ENAH: variants seen among roughly 807,000 people sequenced by gnomAD.
ENAH encodes the protein ENAH actin regulator.
Under a neutral mutation model 78.7 loss-of-function variants are expected in ENAH, and 23 were observed. The observed-to-expected ratio is 0.29, with a 90% CI of 0.21 to 0.41. ENAH has a LOEUF of 0.41. Ranked by LOEUF, ENAH falls within the 10% of genes least tolerant of loss-of-function variation. The pLI is 1.00. For missense variants in ENAH, 544 were observed against 691.0 expected, an observed-to-expected ratio of 0.79 and a Z score of 2.39; for synonymous variants, 226 against 241.0, an observed-to-expected ratio of 0.94 and a Z score of 0.58.
chr1:225,585,016 A>G (rs2096838069), intron 1 of ENAH, among the ~76,000 whole-genome samples: 1 of 151,988 alleles, frequency 6.6e-6, no homozygotes, highest in Admixed American at 6.6e-5. Flanking sequence ...GGAGTTCAAG[A>G]CCATCCTGGC....
At chr1:225,570,918 G>A (rs1466913488) in intron 1 of ENAH, among the ~76,000 whole-genome samples, 5 of 151,838 alleles carry the variant, frequency 3.3e-5, no homozygotes, top group Non-Finnish European at 5.9e-5. Flanking sequence ...AGCTGAGATC[G>A]CGCCATGACA....
At chr1:225,564,943 A>G (rs2096727455) in intron 2 of ENAH, among the ~76,000 whole-genome samples, 1 of 151,932 alleles carries the variant, frequency 6.6e-6, no homozygotes, top group South Asian at 2.1e-4. Context: ...AATATCACTC[A>G]GGTCTCAGTG....
At chr1:225,573,525 A>G (rs897396937) in intron 1 of ENAH, among the ~76,000 whole-genome samples, 4 of 152,204 alleles carry the variant, frequency 2.6e-5, no homozygotes, top group Non-Finnish European at 5.9e-5. Flanking sequence ...AAGGGCTTTA[A>G]GCAGAACACG....
chr1:225,517,143 C>T, intron 6 of ENAH, 53 bp downstream of exon 6: 2 of 1,424,960 alleles, frequency 1.4e-6, no homozygotes, highest in African/African-American at 1.4e-5. Flanking sequence ...AAAGTCACTG[C>T]TATATAACAT....
chr1:225,504,814 T>C (rs964367606), intron 11 of ENAH, among the ~76,000 whole-genome samples: 1 of 152,242 alleles, frequency 6.6e-6, no homozygotes, highest in African/African-American at 2.4e-5. Flanking sequence ...ATGTTTACCA[T>C]TTGTATTTAT....
intron 2 of ENAH, among the ~76,000 whole-genome samples, chr1:225,566,761 C>T (rs750011024): frequency 2.0e-5 from 3 of 152,188 alleles, no homozygotes; most frequent in African/African-American, 4.8e-5. Flanking sequence ...GCTTAGCTGT[C>T]GCCCCAGACA....
chr1:225,569,586 T>C (rs949651155), intron 1 of ENAH, among the ~76,000 whole-genome samples: 1 of 152,222 alleles, frequency 6.6e-6, no homozygotes, highest in Non-Finnish European at 1.5e-5. Flanking sequence ...ATTTTTTTCT[T>C]TTAAGTATAA....
intron 1 of ENAH, among the ~76,000 whole-genome samples, chr1:225,642,713 T>G (rs917183328): frequency 6.6e-6 from 1 of 152,164 alleles, no homozygotes; most frequent in African/African-American, 2.4e-5. Context: ...GATATATGTA[T>G]ATGCACTATG....
intron 5 of ENAH, among the ~76,000 whole-genome samples, chr1:225,518,416 T>C (rs886518217): frequency 2.0e-5 from 3 of 152,206 alleles, no homozygotes. Flanking sequence ...ACATTTAATA[T>C]GAAGGGTTCA....
intron 1 of ENAH, among the ~76,000 whole-genome samples, chr1:225,602,685 G>A (rs1286926857): frequency 6.6e-6 from 1 of 152,038 alleles, no homozygotes; most frequent in Non-Finnish European, 1.5e-5. Context: ...CTTTCCCTAT[G>A]TCAACAAATA....
At chr1:225,633,980 T>C (rs1659594556) in intron 1 of ENAH, among the ~76,000 whole-genome samples, 1 of 152,212 alleles carries the variant, frequency 6.6e-6, no homozygotes, top group African/African-American at 2.4e-5. Flanking sequence ...ATAAGTTTAT[T>C]TTAAGTATTT....
chr1:225,564,026 T>C (rs1380723974), intron 2 of ENAH, among the ~76,000 whole-genome samples: 9 of 152,202 alleles, frequency 5.9e-5, no homozygotes, highest in Admixed American at 4.6e-4. Flanking sequence ...TAATATTTTA[T>C]TTCCTTCAGT....
intron 1 of ENAH, among the ~76,000 whole-genome samples, chr1:225,618,191 T>G (rs1656146495): frequency 6.6e-6 from 1 of 152,178 alleles, no homozygotes; most frequent in African/African-American, 2.4e-5. Context: ...CTGGTCTCCA[T>G]TCTCATCCAA....
intron 1 of ENAH, among the ~76,000 whole-genome samples, chr1:225,597,581 C>G (rs1375246358): frequency 6.6e-6 from 1 of 151,144 alleles, no homozygotes; most frequent in African/African-American, 2.4e-5. Context: ...CACTTGACCC[C>G]TCGGAGGTAC....
At chr1:225,615,366 G>A (rs1472205632) in intron 1 of ENAH, among the ~76,000 whole-genome samples, 2 of 152,206 alleles carry the variant, frequency 1.3e-5, no homozygotes, top group Non-Finnish European at 2.9e-5. Flanking sequence ...CCAGGCTGGA[G>A]TGCAGTGGCG....
chr1:225,570,506 C>T (rs1190016639), intron 1 of ENAH, among the ~76,000 whole-genome samples: 2 of 152,056 alleles, frequency 1.3e-5, no homozygotes, highest in East Asian at 3.9e-4. Context: ...ACAGCAAGGC[C>T]AAGCCCTCCT....
chr1:225,562,681 A>C (rs2151480423), intron 2 of ENAH, among the ~76,000 whole-genome samples: 1 of 150,974 alleles, frequency 6.6e-6, no homozygotes, highest in Non-Finnish European at 1.5e-5. Context: ...TAACATATTT[A>C]TATAATTGTA....
intron 1 of ENAH, among the ~76,000 whole-genome samples, chr1:225,645,267 G>A (rs1661748801): frequency 6.6e-6 from 1 of 152,308 alleles, no homozygotes; most frequent in South Asian, 2.1e-4. Flanking sequence ...TCTATTCTGG[G>A]CATTTCATAT....
At chr1:225,564,114 TTTTTTTTGTTTG>T (rs1368035189) in intron 2 of ENAH, among the ~76,000 whole-genome samples, 2 of 151,872 alleles carry the variant, frequency 1.3e-5, no homozygotes, top group African/African-American at 4.8e-5. Flanking sequence ...ATTCTGCAAG[TTTTTTTTGTTTG>T]TTTTTTTGAG....
Sources: gnomAD v4.1 joint callset for allele counts (sites outside exome capture counted in the v4.1 genomes callset) on GRCh38, gnomAD v4.1.1 for gene constraint, MANE v1.5 for transcripts, NCBI Gene and HGNC (gene_info 2026-07-23, HGNC 2026-07-21) for gene names.